AGMO: variants seen among roughly 807,000 people sequenced by gnomAD.
AGMO encodes alkylglycerol monooxygenase.
Under a neutral mutation model 60.2 loss-of-function variants are expected in AGMO, and 75 were observed. That is an observed-to-expected ratio of 1.25 (90% CI 1.03 to 1.51). The LOEUF is 1.51. AGMO is among the 40% of genes most tolerant of loss of function. The pLI is 0.00. For synonymous variants in AGMO, 261 were observed against 177.1 expected (o/e 1.47, Z -3.76); for missense variants, 763 against 525.5 (o/e 1.45, Z -4.42).
intron 5 of AGMO, among the ~76,000 whole-genome samples, chr7:15,398,698 G>A (rs1784474685): frequency 6.6e-6 from 1 of 152,054 alleles, no homozygotes; most frequent in South Asian, 2.1e-4. Context: ...ATTTTTAGAA[G>A]TTATTTGTTT....
Position 15,427,106 on chromosome 7 carries a change from G to C in AGMO, c.513+3899C>G, listed in dbSNP as rs1781087137. Among the ~76,000 whole-genome samples the C allele has an allele frequency of 4.6e-5, 7 of 152,118 alleles. No homozygotes were observed. In the South Asian group the frequency reaches 1.5e-3, roughly 32 times the overall value. On this transcript the variant is annotated intron_variant, in intron 4 of 12. Coordinates refer to ENST00000342526, the MANE Select transcript of AGMO (RefSeq NM_001004320.2). The stretch of plus-strand genomic sequence containing the variant: ...AAGAGTTTCTTTAGGATAATATCCA[G>C]TTAAAAGTAATATTGGCTGATATAT...
intron 12 of AGMO, among the ~76,000 whole-genome samples, chr7:15,346,206 C>T (rs1305813913): frequency 6.6e-6 from 1 of 152,080 alleles, no homozygotes; most frequent in East Asian, 1.9e-4. Context: ...TGTTAACTTT[C>T]AATCAGCAAT....
chr7:15,540,858 GA>G (rs1440498982), intron 3 of AGMO, among the ~76,000 whole-genome samples: 1 of 152,014 alleles, frequency 6.6e-6, no homozygotes, highest in Non-Finnish European at 1.5e-5. Context: ...TATATATATA[GA>G]AAATGTATAA....
chr7:15,261,194 AT>A (rs1783259644), intron 12 of AGMO, among the ~76,000 whole-genome samples: 1 of 152,090 alleles, frequency 6.6e-6, no homozygotes, highest in African/African-American at 2.4e-5. Context: ...AACAAAAAAA[AT>A]ACAAAAGATA....
At chr7:15,374,670 G>A (rs73300363) in intron 10 of AGMO, among the ~76,000 whole-genome samples, 2 of 151,996 alleles carry the variant, frequency 1.3e-5, no homozygotes, top group Non-Finnish European at 2.9e-5. Flanking sequence ...CGATCTCAGG[G>A]AAATAGGATA....
intron 3 of AGMO, among the ~76,000 whole-genome samples, chr7:15,458,852 C>T (rs1350808384): frequency 6.6e-6 from 1 of 152,156 alleles, no homozygotes; most frequent in Non-Finnish European, 1.5e-5. Flanking sequence ...AGGGCACTCC[C>T]CTCTACCACC....
chr7:15,285,111 C>CA lies in AGMO; in HGVS notation c.1263+80402dup, dbSNP rs570120523. On this transcript the variant is annotated intron_variant, in intron 12 of 12. Coordinates refer to ENST00000342526, the MANE Select transcript of AGMO (RefSeq NM_001004320.2). Reference sequence around the variant, plus strand: ...ATAAAAGCCATATATGATGGATCCACAGTCAATGTCATACTGAATGGTGAA... The same window carrying CA: ...ATAAAAGCCATATATGATGGATCCACAAGTCAATGTCATACTGAATGGTGAA... 7.9e-5 allele frequency among the ~76,000 whole-genome samples: 12 copies of CA among 152,002 alleles called. 1 individual carries two copies. In the South Asian group the frequency reaches 2.5e-3, roughly 32 times the overall value.
the AGMO span, among the ~76,000 whole-genome samples, chr7:15,147,756 T>C: frequency 6.6e-6 from 1 of 152,044 alleles, no homozygotes; most frequent in African/African-American, 2.4e-5. Flanking sequence ...GAAAAATATA[T>C]ACCAAGAGAA....
intron 10 of AGMO, among the ~76,000 whole-genome samples, chr7:15,370,563 A>T (rs1052473016): frequency 3.3e-5 from 5 of 151,962 alleles, no homozygotes; most frequent in Admixed American, 6.6e-5. Context: ...TATTGTTTTG[A>T]TTTTTTAACA....
At chr7:15,249,708 G>A (rs1163939895) in intron 12 of AGMO, among the ~76,000 whole-genome samples, 1 of 152,034 alleles carries the variant, frequency 6.6e-6, no homozygotes, top group African/African-American at 2.4e-5. Context: ...AAATAAAAGG[G>A]GTGGTGGGAT....
intron 3 of AGMO, among the ~76,000 whole-genome samples, chr7:15,504,733 T>TAA: frequency 6.9e-6 from 1 of 143,940 alleles, no homozygotes; most frequent in Non-Finnish European, 1.5e-5. Flanking sequence ...CAGACAGGGT[T>TAA]AAAAAAAAAA....
At chr7:15,397,531 C>A (rs2128488540) in intron 5 of AGMO, among the ~76,000 whole-genome samples, 1 of 152,328 alleles carries the variant, frequency 6.6e-6, no homozygotes, top group East Asian at 1.9e-4. Context: ...TGAGAGCTAG[C>A]AAGGGCTGCT....
At chr7:15,491,624 C>G (rs1783069273) in intron 3 of AGMO, among the ~76,000 whole-genome samples, 1 of 152,126 alleles carries the variant, frequency 6.6e-6, no homozygotes, top group Admixed American at 6.5e-5. Context: ...TGTAACGACA[C>G]AACCCAAGAT....
chr7:15,272,439 T>C (rs1045275190), intron 12 of AGMO, among the ~76,000 whole-genome samples: 5 of 151,938 alleles, frequency 3.3e-5, no homozygotes, highest in African/African-American at 1.2e-4. Context: ...TTCATCCATG[T>C]CCCTACAAAG....
At chr7:15,333,636 A>C (rs1781566415) in intron 12 of AGMO, among the ~76,000 whole-genome samples, 1 of 151,754 alleles carries the variant, frequency 6.6e-6, no homozygotes, top group African/African-American at 2.4e-5. Flanking sequence ...AAAAAATAAA[A>C]AGAATGTTTC....
At chr7:15,294,011 A>G (rs908207731) in intron 12 of AGMO, among the ~76,000 whole-genome samples, 3 of 152,120 alleles carry the variant, frequency 2.0e-5, no homozygotes, top group African/African-American at 7.2e-5. Flanking sequence ...ACAGTGACTA[A>G]AATTTATTAA....
chr7:15,324,563 C>A (rs62450330), intron 12 of AGMO, among the ~76,000 whole-genome samples: 38 of 152,058 alleles, frequency 2.5e-4, no homozygotes, highest in Non-Finnish European at 4.9e-4. Context: ...CCTTTCTTCT[C>A]CCCCTCATCT....
intron 12 of AGMO, among the ~76,000 whole-genome samples, chr7:15,244,744 C>A (rs989872307): frequency 1.3e-5 from 2 of 152,174 alleles, no homozygotes; most frequent in African/African-American, 2.4e-5. Flanking sequence ...CTCCACCTCC[C>A]GGGTTCATGC....
intron 12 of AGMO, among the ~76,000 whole-genome samples, chr7:15,257,100 C>T (rs1317189580): frequency 6.6e-6 from 1 of 151,968 alleles, no homozygotes; most frequent in Non-Finnish European, 1.5e-5. Flanking sequence ...TTTTTGTATG[C>T]TGCGGTTTTA....
Sources: gnomAD v4.1 joint callset for allele counts (sites outside exome capture counted in the v4.1 genomes callset) on GRCh38, gnomAD v4.1.1 for gene constraint, MANE v1.5 for transcripts, NCBI Gene and HGNC (gene_info 2026-07-23, HGNC 2026-07-21) for gene names.